Variants in CENPV observed in about 807,000 individuals in gnomAD.
CENPV encodes the protein centromere protein V, also known as nuclear protein p30.
In CENPV, 15 loss-of-function variants were observed where a neutral mutation model predicts 26.4. That is an observed-to-expected ratio of 0.57 (90% CI 0.38 to 0.88). CENPV has a LOEUF of 0.88. Ranked by LOEUF, CENPV falls within the 40% of genes least tolerant of loss-of-function variation. The pLI is 0.00. For synonymous variants in CENPV, 172 were observed against 165.5 expected, an observed-to-expected ratio of 1.04 and a Z score of -0.30; for missense variants, 336 against 376.5, an observed-to-expected ratio of 0.89 and a Z score of 0.89.
chr17:16,346,062 G>T (rs372165886), intron 3 of CENPV, among the ~76,000 whole-genome samples: 5 of 152,296 alleles, frequency 3.3e-5, no homozygotes, highest in Non-Finnish European at 1.5e-5. Context: ...TCAATGAGAT[G>T]TATTTCACTG....
chr17:16,347,024 A>AT (rs2093210006), intron 3 of CENPV, among the ~76,000 whole-genome samples: 1 of 151,438 alleles, frequency 6.6e-6, no homozygotes, highest in African/African-American at 2.4e-5. Flanking sequence ...CCGATTTTTT[A>AT]TTTTTTGTAG....
intron 4 of CENPV, 132 bp from the exon 5 acceptor site, chr17:16,343,073 CAG>C: frequency 9.8e-7 from 1 of 1,018,120 alleles, no homozygotes. Flanking sequence ...GGATATGCCA[CAG>C]CTTATGGCTT....
chr17:16,345,343 C>T (rs982627199), intron 3 of CENPV, among the ~76,000 whole-genome samples: 3 of 149,084 alleles, frequency 2.0e-5, no homozygotes, highest in Admixed American at 6.7e-5. Context: ...CCGAGGCAGG[C>T]GGATTGCTTG....
At chr17:16,349,821 A>G (rs1396855705) in intron 2 of CENPV, 110 bp downstream of exon 2, 1 of 1,486,662 alleles carries the variant, frequency 6.7e-7, no homozygotes, top group East Asian at 2.4e-5. Context: ...AACAGTTACC[A>G]GCCCAAGGCC....
chr17:16,345,566 G>A (rs1290011354), intron 3 of CENPV, among the ~76,000 whole-genome samples: 1 of 151,958 alleles, frequency 6.6e-6, no homozygotes, highest in Admixed American at 6.6e-5. Flanking sequence ...CTTAATGGCA[G>A]GAGCTCTTCT....
At position 16,353,148 on chromosome 17, in the gene CENPV, C is replaced by G; in HGVS notation, c.289G>C (p.Ala97Pro). 6.8e-7 allele frequency: 1 copy of G among 1,475,850 alleles called. No homozygotes were observed. The highest frequency in any genetic ancestry group is 9.0e-7 in the Non-Finnish European group (1 of 1,116,704). The allele number at this position is 1,475,850 out of a possible 1,614,324, so 91.4% of individuals were successfully genotyped here. A position where few individuals can be genotyped will look rare whatever the true frequency, so the allele number is the denominator to read the frequency against. The part of the protein sequence containing the change: ...PPPPPPPPTP[A>P]TPTSSASNLD... ...TTGGACGCCGAGGACGTCGGGGTCGCGGGAGTCGGCGGCGGCGGCGGCGGT... is the reference window on the plus strand; with the variant it reads ...TTGGACGCCGAGGACGTCGGGGTCGGGGGAGTCGGCGGCGGCGGCGGCGGT... Residue 97 changes from alanine to proline, a missense_variant, in exon 1 of 5, where the codon GCG becomes CCG. Ala to Pro is a conservative substitution (Grantham distance 27). Transcript: ENST00000299736.
chr17:16,349,887 T>C, intron 2 of CENPV, 44 bp downstream of exon 2: 1 of 1,602,586 alleles, frequency 6.2e-7, no homozygotes, highest in South Asian at 1.1e-5. Context: ...GCATTTTAAC[T>C]CTGAAATTCT....
At chr17:16,350,695 T>C (rs1204084671) in intron 1 of CENPV, 1 of 152,082 alleles carries the variant, frequency 6.6e-6, no homozygotes, top group Non-Finnish European at 1.5e-5. Context: ...CTAAACAAGA[T>C]ACAGCAGACA....
intron 3 of CENPV, among the ~76,000 whole-genome samples, chr17:16,346,495 A>T (rs2093206908): frequency 6.6e-6 from 1 of 152,216 alleles, no homozygotes; most frequent in East Asian, 1.9e-4. Flanking sequence ...TCACGCCTGT[A>T]ATCCCAGCAC....
chr17:16,346,445 A>C (rs542888728), intron 3 of CENPV, among the ~76,000 whole-genome samples: 53 of 152,328 alleles, frequency 3.5e-4, no homozygotes, highest in Non-Finnish European at 3.7e-4. Flanking sequence ...CAATTGCCAA[A>C]GTTACAAAGT....
intron 3 of CENPV, among the ~76,000 whole-genome samples, chr17:16,347,353 A>AT (rs1405689069): frequency 5.9e-5 from 9 of 152,144 alleles, no homozygotes; most frequent in Non-Finnish European, 1.2e-4. Flanking sequence ...TGCTCACTCC[A>AT]TAGCCACTGC....
In CENPV at chr17:16,344,731, C is replaced by T. The variant is rs141725703; in HGVS notation, c.580-20G>A. ...AGCTCCCTAGGTGAAAACAGACAAA[C>T]GGTATTCTTTTTTACAAAGAGATTT... On this transcript the variant is annotated intron_variant, in intron 3 of 4. Transcript: ENST00000299736. The T allele has an allele frequency of 5.9e-6, 8 of 1,353,992 alleles. No homozygotes were observed. Among genetic ancestry groups the T allele is most frequent in the African/African-American group, 4.5e-5 (3 of 66,540 alleles). The allele number at this position is 1,353,992 out of a possible 1,614,324, so 83.9% of individuals were successfully genotyped here. A position where few individuals can be genotyped will look rare whatever the true frequency, so the allele number is the denominator to read the frequency against.
chr17:16,352,195 G>A (rs538214805), intron 1 of CENPV, among the ~76,000 whole-genome samples: 1 of 152,280 alleles, frequency 6.6e-6, no homozygotes, highest in South Asian at 2.1e-4. Flanking sequence ...ATATCAGGGC[G>A]TTAAAATATC....
rs1377243169 is a variant in CENPV at position 16,345,670 on chromosome 17, T to C, written c.580-959A>G. Among the ~76,000 whole-genome samples, 6 of 152,202 alleles carry C rather than the reference T, an allele frequency of 3.9e-5. No individual in the cohort carries two copies. In the South Asian group the frequency reaches 8.3e-4, roughly 21 times the overall value. On this transcript the variant is annotated intron_variant, in intron 3 of 4. Transcript: ENST00000299736. ...GACCCATCTACACTATCCAGAGACATGTCAGTCTGGAGCGTGACAGCTCAC... is the reference window on the plus strand; with the variant it reads ...GACCCATCTACACTATCCAGAGACACGTCAGTCTGGAGCGTGACAGCTCAC...
In CENPV at chr17:16,352,484, G is replaced by T. The variant is rs1255984656; in HGVS notation, c.410+543C>A. On this transcript the variant is annotated intron_variant, in intron 1 of 4. Transcript: ENST00000299736. Reference sequence around the variant, plus strand: ...CTTCTCTCCCGGATCAATAACCTCCGCCCCCTGCTCCCTCCCTGGCAGTGC... The same window carrying T: ...CTTCTCTCCCGGATCAATAACCTCCTCCCCCTGCTCCCTCCCTGGCAGTGC... 7.9e-5 allele frequency among the ~76,000 whole-genome samples: 12 copies of T among 152,004 alleles called. No individual in the cohort carries two copies. In the South Asian group the frequency reaches 2.5e-3, roughly 32 times the overall value.
chr17:16,348,729 G>A, intron 2 of CENPV, 44 bp from the exon 3 acceptor site: 2 of 1,611,132 alleles, frequency 1.2e-6, no homozygotes, highest in Non-Finnish European at 1.7e-6. Flanking sequence ...GCAGCCACCT[G>A]CATCCTCTAT....
intron 3 of CENPV, chr17:16,347,539 T>C (rs2093212387): frequency 6.6e-6 from 1 of 152,082 alleles, no homozygotes; most frequent in Admixed American, 6.6e-5. Context: ...TAACTGCTCC[T>C]TGTAGAGCAG....
chr17:16,348,458 AC>A, intron 3 of CENPV, 157 bp downstream of exon 3: 1 of 1,471,998 alleles, frequency 6.8e-7, no homozygotes, highest in South Asian at 1.3e-5. Context: ...TGCCGGGCCC[AC>A]CTTTTAAATG....
chr17:16,352,754 T>C lies in CENPV; in HGVS notation c.410+273A>G, dbSNP rs184066711. Among the ~76,000 whole-genome samples, 1,060 of 152,110 alleles carry C rather than the reference T, an allele frequency of 7.0e-3. 15 individuals are homozygous for C. Among genetic ancestry groups the C allele is most frequent in the African/African-American group, 0.024 (1,008 of 41,500 alleles). ...GATGCTTATGGCCGGGAAAGACTCT[T>C]TGTGTCCCAAGACGGCTGCGCGCGC... On this transcript the variant is annotated intron_variant, in intron 1 of 4. Coordinates refer to ENST00000299736, the MANE Select transcript of CENPV (RefSeq NM_181716.3).
Sources: allele counts gnomAD v4.1 joint callset (sites outside exome capture counted in the v4.1 genomes callset), GRCh38; gene constraint gnomAD v4.1.1; transcripts MANE v1.5; gene names NCBI Gene and HGNC (gene_info 2026-07-23, HGNC 2026-07-21).